CACNA2D1: variants seen among roughly 807,000 people sequenced by gnomAD.
The protein encoded by CACNA2D1 is voltage-dependent calcium channel subunit alpha-2/delta-1.
CACNA2D1 carries 53 observed loss-of-function variants against 171.5 expected under a neutral mutation model. The ratio of observed to expected loss-of-function variants is 0.31; its 90% CI spans 0.25 to 0.39. The LOEUF (loss-of-function observed/expected upper bound fraction) is 0.39, where lower values mean the gene tolerates loss of function less well. CACNA2D1 is among the 10% of genes least tolerant of loss of function. The pLI, the probability that CACNA2D1 is intolerant of heterozygous loss-of-function variation, is 1.00. For missense variants in CACNA2D1, 903 were observed against 1,299.8 expected, an observed-to-expected ratio of 0.69 and a Z score of 4.69; for synonymous variants, 442 against 443.1, an observed-to-expected ratio of 1.00 and a Z score of 0.03.
At chr7:82,348,749 C>T (rs1242106284) in intron 2 of CACNA2D1, among the ~76,000 whole-genome samples, 1 of 152,026 alleles carries the variant, frequency 6.6e-6, no homozygotes, top group African/African-American at 2.4e-5. Context: ...TGCTTTTATA[C>T]CACTTTATCT....
At chr7:82,386,751 T>G (rs1464449018) in intron 1 of CACNA2D1, among the ~76,000 whole-genome samples, 2 of 144,102 alleles carry the variant, frequency 1.4e-5, no homozygotes, top group African/African-American at 5.4e-5. Context: ...AATAAATAAA[T>G]AAATAAATAA....
At chr7:81,964,703 AG>A (rs1794515653) in intron 32 of CACNA2D1, among the ~76,000 whole-genome samples, 1 of 151,914 alleles carries the variant, frequency 6.6e-6, no homozygotes, top group South Asian at 2.1e-4. Flanking sequence ...GCAGTTATGT[AG>A]AATGCATAAG....
Position 81,991,176 on chromosome 7 carries a change from G to A in CACNA2D1, c.1796+9C>T, listed in dbSNP as rs1315374398. The A allele has an allele frequency of 1.5e-6, 2 of 1,313,596 alleles. No homozygotes were observed. The highest frequency in any genetic ancestry group is 1.1e-6 in the Non-Finnish European group (1 of 906,300). 81.4% of individuals were successfully genotyped at this position (1,313,596 alleles called of 1,614,324 possible). A position where few individuals can be genotyped will look rare whatever the true frequency, so the allele number is the denominator to read the frequency against. On this transcript the variant is annotated intron_variant, in intron 21 of 38. Coordinates refer to ENST00000356860, the MANE Select transcript of CACNA2D1 (RefSeq NM_000722.4). Reference sequence around the variant, plus strand: ...GAATACACAATACACATAAAATACAGTTAATTACCTGTAATCTGTGCCATT... The same window carrying A: ...GAATACACAATACACATAAAATACAATTAATTACCTGTAATCTGTGCCATT...
At chr7:82,272,878 T>C (rs976128749) in intron 3 of CACNA2D1, among the ~76,000 whole-genome samples, 1 of 152,136 alleles carries the variant, frequency 6.6e-6, no homozygotes, top group African/African-American at 2.4e-5. Context: ...TAAGAAAGCC[T>C]GAGAAAGACT....
chr7:82,329,986 A>C (rs1219201955), intron 3 of CACNA2D1, among the ~76,000 whole-genome samples: 1 of 152,128 alleles, frequency 6.6e-6, no homozygotes. Flanking sequence ...TAATGTGTCT[A>C]CTTCACAGAG....
At chr7:82,089,235 G>T (rs1316547433) in intron 6 of CACNA2D1, among the ~76,000 whole-genome samples, 1 of 152,152 alleles carries the variant, frequency 6.6e-6, no homozygotes, top group Non-Finnish European at 1.5e-5. Flanking sequence ...AAGTACATGA[G>T]TGTTCAATAT....
intron 3 of CACNA2D1, among the ~76,000 whole-genome samples, chr7:82,206,359 A>G (rs774838011): frequency 5.9e-5 from 9 of 152,086 alleles, no homozygotes; most frequent in Non-Finnish European, 1.3e-4. Context: ...AAGGTAAAAG[A>G]GCTAAGTATA....
At chr7:82,230,228 A>G (rs544800475) in intron 3 of CACNA2D1, among the ~76,000 whole-genome samples, 37 of 152,352 alleles carry the variant, frequency 2.4e-4, no homozygotes, top group African/African-American at 8.4e-4. Context: ...CTAACATCAC[A>G]GAGTAGATTG....
chr7:82,058,654 AATGTTGAGAAT>A (rs1439783286), intron 10 of CACNA2D1, among the ~76,000 whole-genome samples: 6 of 152,148 alleles, frequency 3.9e-5, no homozygotes, highest in South Asian at 2.1e-4. Context: ...TTTAATAAAT[AATGTTGAGAAT>A]ATGTTGAGAA....
chr7:81,982,215 C>T (rs754733647), intron 24 of CACNA2D1, among the ~76,000 whole-genome samples: 13 of 152,010 alleles, frequency 8.6e-5, no homozygotes, highest in Middle Eastern at 6.8e-3. Context: ...CTGCAACCTC[C>T]GCCTCCTGGG....
At chr7:82,116,106 C>A (rs1789006671) in intron 6 of CACNA2D1, among the ~76,000 whole-genome samples, 1 of 152,144 alleles carries the variant, frequency 6.6e-6, no homozygotes, top group South Asian at 2.1e-4. Flanking sequence ...ATACAAGAAA[C>A]ACGTTCTTTA....
rs1792245497 is a variant in CACNA2D1, at chr7:81,948,759, C to T, written c.*1633G>A. The T allele has an allele frequency of 6.6e-6, 1 of 151,876 alleles. No individual in the cohort carries two copies. The highest frequency in any genetic ancestry group is 2.4e-5 in the African/African-American group (1 of 41,410). The allele number at this position is 151,876 out of a possible 1,614,324, so 9.4% of individuals were successfully genotyped here. A position where few individuals can be genotyped will look rare whatever the true frequency, so the allele number is the denominator to read the frequency against. On this transcript the variant is annotated 3_prime_UTR_variant, in exon 39 of 39. Transcript: ENST00000356860. ...ATAAAAAATATCTACATACGTTCAG[C>T]CTTCAGTAAAATTATTAACTATTCT...
chr7:82,103,500 T>C (rs1037343801), intron 6 of CACNA2D1, among the ~76,000 whole-genome samples: 22 of 152,180 alleles, frequency 1.4e-4, no homozygotes, highest in Admixed American at 1.4e-3. Context: ...TGGCTACTTT[T>C]GTACATAATT....
chr7:82,090,267 T>A (rs1444755834), intron 6 of CACNA2D1, among the ~76,000 whole-genome samples: 1 of 152,082 alleles, frequency 6.6e-6, no homozygotes, highest in Non-Finnish European at 1.5e-5. Context: ...ACCTATAGCT[T>A]TCTAATAAAG....
chr7:82,137,949 A>C (rs1791866787), intron 4 of CACNA2D1, among the ~76,000 whole-genome samples: 1 of 152,176 alleles, frequency 6.6e-6, no homozygotes, highest in African/African-American at 2.4e-5. Context: ...AGTGCTTCTC[A>C]GTGTATTCCC....
At chr7:81,970,043 C>T (rs1391497543) in intron 27 of CACNA2D1, 59 bp from the exon 28 acceptor site, 6 of 999,226 alleles carry the variant, frequency 6.0e-6, no homozygotes, top group South Asian at 3.8e-5. Context: ...CCTACTTTAT[C>T]CTATGTGGAC....
chr7:82,016,517 C>T (rs188539518), intron 12 of CACNA2D1, among the ~76,000 whole-genome samples: 7 of 151,072 alleles, frequency 4.6e-5, no homozygotes, highest in Admixed American at 3.3e-4. Flanking sequence ...AAGGCAAGCA[C>T]TTCTAATAAC....
At chr7:82,001,673 T>C (rs1334566382) in intron 18 of CACNA2D1, 1 of 1,262,584 alleles carries the variant, frequency 7.9e-7, no homozygotes, top group Non-Finnish European at 1.0e-6. Context: ...ATATTGGGTC[T>C]CCTTTTTCTT....
chr7:82,229,261 T>A (rs1347704214), intron 3 of CACNA2D1, among the ~76,000 whole-genome samples: 4 of 152,132 alleles, frequency 2.6e-5, no homozygotes, highest in Admixed American at 6.6e-5. Context: ...TCAAACCTTG[T>A]ATCCCAAATG....
Sources: allele counts gnomAD v4.1 joint callset (sites outside exome capture counted in the v4.1 genomes callset), GRCh38; gene constraint gnomAD v4.1.1; transcripts MANE v1.5; gene names NCBI Gene and HGNC (gene_info 2026-07-23, HGNC 2026-07-21).